The following XK variants were observed in gnomAD, a reference collection of about 807,000 sequenced individuals.
The protein encoded by XK is X-linked Kx blood group antigen, Kell and VPS13A binding protein, also known as endoplasmic reticulum membrane adapter protein XK.
In XK, 2 loss-of-function variants were observed where a neutral mutation model predicts 14.0. The ratio of observed to expected loss-of-function variants is 0.14; its 90% CI spans 0.06 to 0.45. The LOEUF is 0.45. Among genes scored for constraint, XK ranks in the 20% least tolerant of loss-of-function variants. The probability of loss-of-function intolerance (pLI) is 0.98; values close to 1 mark genes in which losing one functional copy is unlikely to be tolerated. For missense variants in XK, 235 were observed against 341.5 expected (o/e 0.69, Z 2.46); for synonymous variants, 149 against 147.5 (o/e 1.01, Z -0.08).
At chrX:37,702,836 C>G (rs782037305) in intron 2 of XK, among the ~76,000 whole-genome samples, 21 of 112,614 alleles carry the variant, frequency 1.9e-4, no homozygotes, top group Admixed American at 1.1e-3. Context: ...TGCATTGCTT[C>G]TCAAAATATC....
At chrX:37,702,694 C>T (rs964465912) in intron 2 of XK, among the ~76,000 whole-genome samples, 4 of 112,030 alleles carry the variant, frequency 3.6e-5, no homozygotes, top group African/African-American at 6.5e-5. Flanking sequence ...AGTCCCATAT[C>T]TGATTCACTT....
chrX:37,692,387 A>G (rs1252687088), intron 1 of XK, among the ~76,000 whole-genome samples: 1 of 111,284 alleles, frequency 9.0e-6, no homozygotes, highest in African/African-American at 3.3e-5. Flanking sequence ...GAGAATAAAG[A>G]TGATTATCAG....
At chrX:37,720,773 T>C (rs1251119446) in intron 2 of XK, among the ~76,000 whole-genome samples, 1 of 111,346 alleles carries the variant, frequency 9.0e-6, no homozygotes, top group Non-Finnish European at 1.9e-5. Flanking sequence ...TGAGAATATA[T>C]GGTATTTGAC....
Position 37,700,702 on chromosome X carries a change from C to T in XK, c.508+6154C>T, listed in dbSNP as rs191038953. 1.7e-3 allele frequency among the ~76,000 whole-genome samples: 185 copies of T among 111,377 alleles called. 2 individuals carry two copies. The highest frequency in any genetic ancestry group is 5.7e-3 in the African/African-American group (176 of 30,610). On this transcript the variant is annotated intron_variant, in intron 2 of 2. Coordinates refer to ENST00000378616, the MANE Select transcript of XK (RefSeq NM_021083.4). ...GAGGCCAGGTAGTTGCTGGGAGCCT[C>T]CTAGGCTTGATAAATTCCTAACCTG...
At chrX:37,696,685 C>G (rs1219898432) in intron 2 of XK, among the ~76,000 whole-genome samples, 1 of 112,315 alleles carries the variant, frequency 8.9e-6, no homozygotes, top group African/African-American at 3.2e-5. Context: ...GGAAGAAACA[C>G]CTAACTGTAA....
intron 2 of XK, among the ~76,000 whole-genome samples, chrX:37,711,437 T>C (rs1379195688): frequency 8.9e-6 from 1 of 112,483 alleles, no homozygotes; most frequent in African/African-American, 3.2e-5. Context: ...GGTAAGGTAA[T>C]GCCCATGGGG....
chrX:37,707,462 G>A (rs1365434520), intron 2 of XK, among the ~76,000 whole-genome samples: 3 of 105,883 alleles, frequency 2.8e-5, no homozygotes, highest in Non-Finnish European at 3.9e-5. Context: ...GGCGGCTGCC[G>A]GGCGCAGGGG....
intron 2 of XK, among the ~76,000 whole-genome samples, chrX:37,696,102 T>C (rs1477402003): frequency 9.0e-6 from 1 of 111,570 alleles, no homozygotes; most frequent in Non-Finnish European, 1.9e-5. Context: ...AGTTGAAGGG[T>C]TGGCAAACTA....
intron 2 of XK, among the ~76,000 whole-genome samples, chrX:37,707,371 G>A (rs1339823292): frequency 1.8e-5 from 2 of 111,053 alleles, no homozygotes; most frequent in East Asian, 2.9e-4. Flanking sequence ...CTTCCCAGAC[G>A]GGGTGGCTGC....
intron 2 of XK, among the ~76,000 whole-genome samples, chrX:37,719,738 G>A (rs782530715): frequency 1.1e-3 from 120 of 110,939 alleles, no homozygotes; most frequent in Non-Finnish European, 1.7e-3. Flanking sequence ...TTAAGTCCAT[G>A]TCAGATTATT....
chrX:37,685,945 G>A lies in XK; in HGVS notation c.-17G>A, dbSNP rs1038460300. 1.8e-5 allele frequency: 22 copies of A among 1,200,836 alleles called. No homozygotes were observed. The highest frequency in any genetic ancestry group is 2.1e-5 in the Non-Finnish European group (19 of 891,319). On this transcript the variant is annotated 5_prime_UTR_variant, in exon 1 of 3. Coordinates refer to ENST00000378616, the MANE Select transcript of XK (RefSeq NM_021083.4). ...GCCACTGCGTCCGTCCCCGGTGAGC[G>A]CCGCTGACGCGCGGAGATGAAATTC...
chrX:37,708,586 A>G (rs145112997), intron 2 of XK, among the ~76,000 whole-genome samples: 5 of 112,478 alleles, frequency 4.4e-5, no homozygotes, highest in Non-Finnish European at 9.4e-5. Flanking sequence ...GCCAAAAGTA[A>G]TCTTTTACAA....
chrX:37,710,956 C>A (rs1556446609), intron 2 of XK, among the ~76,000 whole-genome samples: 1 of 111,829 alleles, frequency 8.9e-6, no homozygotes, highest in African/African-American at 3.3e-5. Context: ...ATTGACATGT[C>A]CCAATTCAAG....
intron 1 of XK, among the ~76,000 whole-genome samples, chrX:37,687,203 ACACACACACACACACACACACACG>A (rs1927098618): frequency 9.3e-6 from 1 of 107,092 alleles, no homozygotes; most frequent in South Asian, 4.1e-4. Context: ...TTACACACAC[ACACACACACACACACACACACACG>A]CACACACACA....
chrX:37,709,299 T>TC (rs1556446167), intron 2 of XK, among the ~76,000 whole-genome samples: 2 of 112,332 alleles, frequency 1.8e-5, no homozygotes, highest in African/African-American at 6.5e-5. Flanking sequence ...TATCTAAAGA[T>TC]TTTGGAAATG....
intron 2 of XK, among the ~76,000 whole-genome samples, chrX:37,726,697 T>C (rs952765205): frequency 8.9e-6 from 1 of 112,188 alleles, no homozygotes; most frequent in Non-Finnish European, 1.9e-5. Flanking sequence ...GCTTCTATTA[T>C]AAACTGGATA....
At chrX:37,720,407 A>G (rs1927846907) in intron 2 of XK, among the ~76,000 whole-genome samples, 1 of 110,975 alleles carries the variant, frequency 9.0e-6, no homozygotes, top group Non-Finnish European at 1.9e-5. Context: ...TTGCTTTTTG[A>G]TGCCTTTTTT....
intron 2 of XK, among the ~76,000 whole-genome samples, chrX:37,716,681 T>C (rs1318460206): frequency 8.9e-6 from 1 of 112,052 alleles, no homozygotes; most frequent in Non-Finnish European, 1.9e-5. Context: ...TTCTGAGTGG[T>C]CTTGCTACCA....
chrX:37,690,068 A>G (rs1454670224), intron 1 of XK, among the ~76,000 whole-genome samples: 5 of 112,220 alleles, frequency 4.5e-5, no homozygotes, highest in Non-Finnish European at 9.4e-5. Context: ...TTTCCAGAAC[A>G]TTGCAAAATG....
Sources: gnomAD v4.1 joint callset for allele counts (sites outside exome capture counted in the v4.1 genomes callset) on GRCh38, gnomAD v4.1.1 for gene constraint, MANE v1.5 for transcripts, NCBI Gene and HGNC (gene_info 2026-07-23, HGNC 2026-07-21) for gene names.